The following ACADM variants were observed in gnomAD, a reference collection of about 807,000 sequenced individuals.
ACADM encodes the protein acyl-CoA dehydrogenase medium chain.
Under a neutral mutation model 58.9 loss-of-function variants are expected in ACADM, and 49 were observed. That is an observed-to-expected ratio of 0.83 (90% confidence interval 0.66 to 1.06). The LOEUF (loss-of-function observed/expected upper bound fraction) is 1.06, where lower values mean the gene tolerates loss of function less well. Ranked by LOEUF, ACADM falls within the 50% of genes least tolerant of loss-of-function variation. The probability of loss-of-function intolerance (pLI) is 0.00; values close to 1 mark genes in which losing one functional copy is unlikely to be tolerated. For missense variants in ACADM, 496 were observed against 507.0 expected (o/e 0.98, Z 0.21); for synonymous variants, 160 against 157.7 (o/e 1.01, Z -0.11).
Position 75,761,520 on chromosome 1 carries a change from A to T in ACADM, c.1194+150A>T, listed in dbSNP as rs1206512592. 3.7e-6 allele frequency: 3 copies of T among 805,466 alleles called. No homozygotes were observed. The East Asian group carries it at 7.9e-5, about 21-fold the overall frequency. 49.9% of individuals were successfully genotyped at this position (805,466 alleles called of 1,614,324 possible). A position where few individuals can be genotyped will look rare whatever the true frequency, so the allele number is the denominator to read the frequency against. On this transcript the variant is annotated intron_variant, in intron 11 of 11. Transcript: ENST00000370841. ...GTGAGCCAGTTTTTGGAATTAATTA[A>T]TAGAAAGAAGAATGTTATTTGTGAT...
chr1:75,724,778 G>A lies in ACADM; in HGVS notation c.-10G>A, dbSNP rs753756738. ...GTATTATTGTCCGAGTGGCCGGAAC[G>A]GGAGCCAACATGGCAGCGGGGTTCG... On this transcript the variant is annotated 5_prime_UTR_variant, in exon 1 of 12. Coordinates refer to ENST00000370841, the MANE Select transcript of ACADM (RefSeq NM_000016.6). 1 of 1,525,422 alleles carries A rather than the reference G, an allele frequency of 6.6e-7. No individual in the cohort carries two copies. The highest frequency in any genetic ancestry group is 1.2e-5 in the South Asian group (1 of 80,154). The allele number at this position is 1,525,422 out of a possible 1,614,324, so 94.5% of individuals were successfully genotyped here.
rs1570910292 is a variant in ACADM, at chr1:75,761,299, A to G, written c.1123A>G (p.Ile375Val). 6.2e-7 allele frequency: 1 copy of G among 1,614,066 alleles called. No individual in the cohort carries two copies. Among genetic ancestry groups the G allele is most frequent in the Non-Finnish European group, 8.5e-7 (1 of 1,179,906 alleles). The change falls in exon 11 of 12, where the codon ATA becomes GTA. Residue 375 changes from isoleucine (I) to valine (V), a missense_variant. Ile to Val is a conservative substitution (Grantham distance 29, BLOSUM62 3). Coordinates refer to ENST00000370841, the MANE Select transcript of ACADM (RefSeq NM_000016.6). ...ANQLATDAVQ[I>V]LGGNGFNTEY... is the part of the protein sequence containing the mutation. ...TCAGTTAGCTACTGATGCTGTGCAG[A>G]TACTTGGAGGCAATGGATTTAATAC...
chr1:75,724,881 G>T (rs1238665559), intron 1 of ACADM, 64 bp downstream of exon 1: 16 of 1,364,540 alleles, frequency 1.2e-5, no homozygotes, highest in Admixed American at 2.9e-5. Flanking sequence ...GGAGCAGGGG[G>T]CCCTGGGCCA....
At chr1:75,745,749 A>T (rs1647859196) in intron 7 of ACADM, 57 bp from the exon 8 acceptor site, 1 of 1,191,374 alleles carries the variant, frequency 8.4e-7, no homozygotes, top group African/African-American at 1.5e-5. Flanking sequence ...TGAGAGAGCA[A>T]TCACCATGTG....
At chr1:75,757,768 A>G (rs1186152773) in intron 10 of ACADM, among the ~76,000 whole-genome samples, 1 of 151,842 alleles carries the variant, frequency 6.6e-6, no homozygotes, top group Non-Finnish European at 1.5e-5. Flanking sequence ...AAGATGTAGG[A>G]GGATTTCCCA....
At position 75,740,037 on chromosome 1, in the gene ACADM, G is replaced by A. The variant is rs200754053; in HGVS notation, c.526G>A (p.Ala176Thr). 9 of 1,612,774 alleles carry A rather than the reference G, an allele frequency of 5.6e-6. No homozygotes were observed. The African/African-American group carries it at 1.1e-4, about 19-fold the overall frequency. Residue 176 changes from alanine to threonine, a missense_variant, in exon 7 of 12, where the codon GCA (alanine) becomes ACA (threonine). Ala to Thr is a moderately conservative substitution (Grantham distance 58). Transcript: ENST00000370841. ...TGATGTAGCTGGTATAAAGACCAAA[G>A]CAGAAAAGAAAGGAGATGAGTATAT... ...GSDVAGIKTK[A>T]EKKGDEYIIN...
intron 5 of ACADM, among the ~76,000 whole-genome samples, chr1:75,733,843 C>T (rs538507629): frequency 6.6e-6 from 1 of 152,322 alleles, no homozygotes; most frequent in African/African-American, 2.4e-5. Context: ...GGCCTTGTCT[C>T]TAGTACTCGG....
chr1:75,733,238 G>A, intron 4 of ACADM: 1 of 1,531,924 alleles, frequency 6.5e-7, no homozygotes, highest in Non-Finnish European at 8.8e-7. Context: ...TGTGAACCAT[G>A]ATTCTTTTCC....
At chr1:75,755,768 G>A (rs1236387625) in intron 10 of ACADM, among the ~76,000 whole-genome samples, 1 of 152,242 alleles carries the variant, frequency 6.6e-6, no homozygotes, top group Non-Finnish European at 1.5e-5. Context: ...AGAATGACGA[G>A]TTGAGAGAAG....
chr1:75,738,442 G>A (rs368080973), intron 6 of ACADM, among the ~76,000 whole-genome samples: 2 of 151,520 alleles, frequency 1.3e-5, no homozygotes, highest in African/African-American at 2.4e-5. Flanking sequence ...GGCTGGTCTC[G>A]AACTCCTAAC....
At chr1:75,761,434 A>T in intron 11 of ACADM, 64 bp downstream of exon 11, 10 of 1,563,064 alleles carry the variant, frequency 6.4e-6, no homozygotes, top group Non-Finnish European at 7.9e-6. Context: ...GACAACGTGG[A>T]TTTCTGATTA....
intron 7 of ACADM, chr1:75,744,161 G>T: frequency 6.4e-7 from 1 of 1,573,628 alleles, no homozygotes. Context: ...TGGTGGGACA[G>T]CAGTGGGTTT....
At chr1:75,728,241 G>T (rs1425998738) in intron 1 of ACADM, 160 bp from the exon 2 acceptor site, 2 of 545,012 alleles carry the variant, frequency 3.7e-6, no homozygotes, top group Non-Finnish European at 6.5e-6. Context: ...CTGATAATTG[G>T]CTTATTTAAA....
chr1:75,753,916 C>T (rs1423125933), intron 10 of ACADM, among the ~76,000 whole-genome samples: 1 of 148,616 alleles, frequency 6.7e-6, no homozygotes, highest in South Asian at 2.1e-4. Context: ...CTACCTTAGC[C>T]TCCTGAGTAG....
intron 10 of ACADM, 33 bp downstream of exon 10, chr1:75,750,579 T>A: frequency 7.5e-7 from 1 of 1,329,130 alleles, no homozygotes; most frequent in Non-Finnish European, 1.1e-6. Flanking sequence ...TGTTCAAATG[T>A]AAAGACACTC....
intron 10 of ACADM, among the ~76,000 whole-genome samples, chr1:75,753,004 G>A (rs1050507428): frequency 6.6e-6 from 1 of 152,098 alleles, no homozygotes; most frequent in East Asian, 1.9e-4. Flanking sequence ...CACAGAGCTC[G>A]TACATTGATC....
intron 7 of ACADM, chr1:75,744,175 T>C: frequency 1.3e-6 from 2 of 1,573,144 alleles, no homozygotes; most frequent in South Asian, 1.1e-5. Flanking sequence ...TGGGTTTTAC[T>C]GCAGACACAG....
At chr1:75,760,883 A>G (rs2100451977) in intron 10 of ACADM, among the ~76,000 whole-genome samples, 1 of 152,230 alleles carries the variant, frequency 6.6e-6, no homozygotes, top group Admixed American at 6.5e-5. Context: ...TGTAACTTCT[A>G]TAAACCTAAA....
At chr1:75,734,742 A>G (rs551670464) in intron 5 of ACADM, 49 bp from the exon 6 acceptor site, 3 of 1,382,912 alleles carry the variant, frequency 2.2e-6, no homozygotes, top group Admixed American at 1.7e-5. Flanking sequence ...CTGAATTTAC[A>G]TATCCAATAA....
Sources: allele counts gnomAD v4.1 joint callset (sites outside exome capture counted in the v4.1 genomes callset), GRCh38; gene constraint gnomAD v4.1.1; transcripts MANE v1.5; gene names NCBI Gene and HGNC (gene_info 2026-07-23, HGNC 2026-07-21).